Variants in SLC35F1 observed in about 807,000 individuals in gnomAD.
The protein encoded by SLC35F1 is chromosome 6 open reading frame 169.
SLC35F1 carries 14 observed loss-of-function variants against 48.7 expected under a neutral mutation model. That is an observed-to-expected ratio of 0.29 (90% CI 0.19 to 0.45). The LOEUF (loss-of-function observed/expected upper bound fraction) is 0.45, where lower values mean the gene tolerates loss of function less well. SLC35F1 is among the 20% of genes least tolerant of loss of function. The pLI is 1.00. For missense variants in SLC35F1, 404 were observed against 500.0 expected, an observed-to-expected ratio of 0.81 and a Z score of 1.83; for synonymous variants, 190 against 202.2, an observed-to-expected ratio of 0.94 and a Z score of 0.51.
intron 1 of SLC35F1, among the ~76,000 whole-genome samples, chr6:118,060,281 C>T (rs1018086758): frequency 3.9e-5 from 6 of 152,124 alleles, no homozygotes; most frequent in African/African-American, 1.4e-4. Flanking sequence ...GCACTTTAAT[C>T]TACAAAGTAT....
chr6:118,070,090 T>G (rs903843417), intron 1 of SLC35F1, among the ~76,000 whole-genome samples: 1 of 133,080 alleles, frequency 7.5e-6, no homozygotes, highest in Admixed American at 9.1e-5. Flanking sequence ...GAGCCGAGAT[T>G]GCGCCACTGC....
intron 2 of SLC35F1, among the ~76,000 whole-genome samples, chr6:118,179,774 T>C (rs1256563256): frequency 6.6e-6 from 1 of 152,100 alleles, no homozygotes; most frequent in Non-Finnish European, 1.5e-5. Context: ...TACAGGAATT[T>C]GTGGAGGCCA....
In SLC35F1 at chr6:118,263,352, G is replaced by A. The variant is rs116820002; in HGVS notation, c.478-3643G>A. ...ATTACAGGTGTGAGCCACTGTGCCC[G>A]GCCGTGTCTATAAAATTAGAAAACA... On this transcript the variant is annotated intron_variant, in intron 3 of 7. Transcript: ENST00000360388. Among the ~76,000 whole-genome samples the A allele has an allele frequency of 9.6e-3, 1,462 of 152,184 alleles. 15 individuals carry two copies. The highest frequency in any genetic ancestry group is 0.033 in the African/African-American group (1,376 of 41,510).
chr6:118,272,466 G>A (rs1775864224), intron 4 of SLC35F1, among the ~76,000 whole-genome samples: 1 of 152,038 alleles, frequency 6.6e-6, no homozygotes, highest in African/African-American at 2.4e-5. Context: ...CATGAACATT[G>A]TGCAAAAATT....
chr6:118,271,876 A>G (rs1268930807), intron 4 of SLC35F1, among the ~76,000 whole-genome samples: 2 of 152,314 alleles, frequency 1.3e-5, no homozygotes, highest in Middle Eastern at 3.4e-3. Context: ...TAAGTGTCAG[A>G]TACAATGCTA....
chr6:118,156,067 T>A (rs1190617429), intron 2 of SLC35F1, among the ~76,000 whole-genome samples: 2 of 152,164 alleles, frequency 1.3e-5, no homozygotes, highest in Non-Finnish European at 2.9e-5. Flanking sequence ...TTCTCAAAAA[T>A]TGGTGCTATC....
chr6:118,105,887 C>A (rs113124926), intron 1 of SLC35F1, among the ~76,000 whole-genome samples: 2,006 of 152,198 alleles, frequency 0.013, 48 homozygotes, highest in African/African-American at 0.046. Context: ...GTATGATGAC[C>A]TTATTCATGA....
chr6:117,973,145 C>A (rs1776664438), intron 1 of SLC35F1, among the ~76,000 whole-genome samples: 1 of 152,152 alleles, frequency 6.6e-6, no homozygotes, highest in African/African-American at 2.4e-5. Context: ...TCCAAAGCCT[C>A]TCTCCTTGGC....
chr6:118,162,912 T>A (rs1774259117), intron 2 of SLC35F1, among the ~76,000 whole-genome samples: 1 of 151,854 alleles, frequency 6.6e-6, no homozygotes, highest in African/African-American at 2.4e-5. Flanking sequence ...ACTTATAGTA[T>A]CCAATAGTGC....
chr6:118,219,609 T>G (rs2114560785), intron 2 of SLC35F1, among the ~76,000 whole-genome samples: 1 of 152,186 alleles, frequency 6.6e-6, no homozygotes, highest in East Asian at 1.9e-4. Flanking sequence ...TGGCAATTCC[T>G]CAAGGATCTA....
Position 118,040,399 on chromosome 6 carries a change from A to G in SLC35F1, c.174-114046A>G, listed in dbSNP as rs140351644. Among the ~76,000 whole-genome samples, 640 of 152,288 alleles carry G rather than the reference A, an allele frequency of 4.2e-3. 6 individuals carry two copies. The highest frequency in any genetic ancestry group is 0.015 in the African/African-American group (608 of 41,566). ...TTGCTTTTCTAGAATTTGTAGGCAT[A>G]ATCAGCGAAAAGGGATGGATTATAG... On this transcript the variant is annotated intron_variant, in intron 1 of 7. Transcript: ENST00000360388.
At chr6:117,928,350 C>G (rs748833375) in intron 1 of SLC35F1, among the ~76,000 whole-genome samples, 11 of 152,104 alleles carry the variant, frequency 7.2e-5, no homozygotes, top group Admixed American at 1.3e-4. Flanking sequence ...CAGTCTGAAT[C>G]AATTTCTGTA....
At chr6:117,965,181 T>C (rs1474376560) in intron 1 of SLC35F1, among the ~76,000 whole-genome samples, 2 of 152,178 alleles carry the variant, frequency 1.3e-5, no homozygotes, top group Non-Finnish European at 2.9e-5. Context: ...CTATGTTTAT[T>C]CAAAATACCC....
At chr6:117,973,245 A>T (rs1776666043) in intron 1 of SLC35F1, among the ~76,000 whole-genome samples, 3 of 152,148 alleles carry the variant, frequency 2.0e-5, no homozygotes, top group Non-Finnish European at 2.9e-5. Context: ...TAAAGACAGC[A>T]GTCCTGTTGG....
intron 1 of SLC35F1, among the ~76,000 whole-genome samples, chr6:118,008,520 C>T (rs954501733): frequency 1.3e-4 from 20 of 152,282 alleles, no homozygotes; most frequent in African/African-American, 4.6e-4. Context: ...ATAAAAGTTA[C>T]AGCATGTGGC....
At chr6:117,942,595 T>C (rs954837622) in intron 1 of SLC35F1, among the ~76,000 whole-genome samples, 2 of 152,228 alleles carry the variant, frequency 1.3e-5, no homozygotes, top group Non-Finnish European at 2.9e-5. Context: ...TTTAACATAT[T>C]ATTCAACTTT....
Position 118,213,328 on chromosome 6 carries a change from T to C in SLC35F1, c.350-22181T>C, listed in dbSNP as rs554694729. On this transcript the variant is annotated intron_variant, in intron 2 of 7. Coordinates refer to ENST00000360388, the MANE Select transcript of SLC35F1 (RefSeq NM_001029858.4). Reference sequence around the variant, plus strand: ...ATGAGAGATTATCCTCTTTGTTTGTTGTGAGATAAGCATGCAGGATGTGTC... The same window carrying C: ...ATGAGAGATTATCCTCTTTGTTTGTCGTGAGATAAGCATGCAGGATGTGTC... 8.5e-5 allele frequency among the ~76,000 whole-genome samples: 13 copies of C among 152,288 alleles called. No homozygotes were observed. In the South Asian group the frequency reaches 2.7e-3, roughly 32 times the overall value.
rs115956161 is a variant in SLC35F1, at chr6:118,046,352, T to G, written c.174-108093T>G. On this transcript the variant is annotated intron_variant, in intron 1 of 7. Coordinates refer to ENST00000360388, the MANE Select transcript of SLC35F1 (RefSeq NM_001029858.4). ...CCAGTATCAGTTCTATTATTGAGGC[T>G]CCTTTACATACTTGTCTATTCTGTC... 6.7e-3 allele frequency among the ~76,000 whole-genome samples: 1,021 copies of G among 152,274 alleles called. 16 individuals carry two copies. Among genetic ancestry groups the G allele is most frequent in the African/African-American group, 0.023 (942 of 41,560 alleles).
intron 1 of SLC35F1, among the ~76,000 whole-genome samples, chr6:117,930,886 C>T (rs1009205133): frequency 2.0e-5 from 3 of 152,158 alleles, no homozygotes; most frequent in African/African-American, 7.2e-5. Context: ...CTAAAGAGTT[C>T]TCCAGTGTAA....
Sources: allele counts gnomAD v4.1 joint callset (sites outside exome capture counted in the v4.1 genomes callset), GRCh38; gene constraint gnomAD v4.1.1; transcripts MANE v1.5; gene names NCBI Gene and HGNC (gene_info 2026-07-23, HGNC 2026-07-21).